The following CTNND2 variants were observed in gnomAD, a reference collection of about 807,000 sequenced individuals.
CTNND2 encodes the protein catenin delta-2.
Under a neutral mutation model 144.4 loss-of-function variants are expected in CTNND2, and 22 were observed. The observed-to-expected ratio is 0.15, with a 90% CI of 0.11 to 0.22. The LOEUF (loss-of-function observed/expected upper bound fraction) is 0.22. CTNND2 is among the 10% of genes least tolerant of loss of function. The pLI is 1.00. For synonymous variants in CTNND2, 751 were observed against 695.6 expected, an observed-to-expected ratio of 1.08 and a Z score of -1.25; for missense variants, 1,353 against 1,618.8, an observed-to-expected ratio of 0.84 and a Z score of 2.82.
chr5:11,862,140 T>C (rs542789350), intron 1 of CTNND2, among the ~76,000 whole-genome samples: 3 of 152,318 alleles, frequency 2.0e-5, no homozygotes, highest in African/African-American at 2.4e-5. Context: ...CAACTACTGA[T>C]TTAAACAAAT....
intron 12 of CTNND2, among the ~76,000 whole-genome samples, chr5:11,154,375 G>A (rs756830990): frequency 6.6e-6 from 1 of 152,216 alleles, no homozygotes; most frequent in Non-Finnish European, 1.5e-5. Flanking sequence ...CTTTGGCCGA[G>A]ACAGCCACAT....
chr5:11,548,709 A>G (rs952990562), intron 3 of CTNND2, among the ~76,000 whole-genome samples: 1 of 152,232 alleles, frequency 6.6e-6, no homozygotes, highest in African/African-American at 2.4e-5. Context: ...TCTTCCGTGT[A>G]AAGTGACAAA....
At chr5:11,785,162 G>A (rs1315994874) in intron 1 of CTNND2, among the ~76,000 whole-genome samples, 1 of 152,038 alleles carries the variant, frequency 6.6e-6, no homozygotes, top group Non-Finnish European at 1.5e-5. Context: ...AACATAAATT[G>A]TTATTGTGTA....
chr5:11,429,663 A>G (rs574493601), intron 3 of CTNND2, among the ~76,000 whole-genome samples: 6 of 152,218 alleles, frequency 3.9e-5, no homozygotes, highest in Admixed American at 3.3e-4. Context: ...CATACAAGCC[A>G]TCGATACATT....
At chr5:11,103,192 G>T (rs1173714665) in intron 14 of CTNND2, among the ~76,000 whole-genome samples, 2 of 151,438 alleles carry the variant, frequency 1.3e-5, no homozygotes, top group African/African-American at 4.9e-5. Context: ...ATGTTGGCCT[G>T]GCTGGTCTTG....
intron 15 of CTNND2, 45 bp from the exon 16 acceptor site, chr5:11,082,891 C>G (rs759760413): frequency 6.2e-7 from 1 of 1,601,402 alleles, no homozygotes; most frequent in Non-Finnish European, 8.5e-7. Context: ...CAGGAAGAAA[C>G]CCTGCATGCA....
chr5:11,454,499 T>C (rs1400920057), intron 3 of CTNND2, among the ~76,000 whole-genome samples: 1 of 152,200 alleles, frequency 6.6e-6, no homozygotes, highest in Non-Finnish European at 1.5e-5. Context: ...ATTTTATTCA[T>C]ACAAATCAAG....
chr5:11,369,121 T>G (rs1757230677), intron 7 of CTNND2, among the ~76,000 whole-genome samples: 2 of 152,234 alleles, frequency 1.3e-5, no homozygotes, highest in South Asian at 4.1e-4. Context: ...TGAAGTATTA[T>G]TGCAAAATGT....
intron 15 of CTNND2, among the ~76,000 whole-genome samples, chr5:11,093,376 C>T (rs191603159): frequency 6.6e-6 from 1 of 152,256 alleles, no homozygotes; most frequent in Admixed American, 6.5e-5. Flanking sequence ...AACAAAATCA[C>T]TGTACTATAA....
At chr5:11,299,394 T>C (rs1350181983) in intron 9 of CTNND2, among the ~76,000 whole-genome samples, 2 of 152,158 alleles carry the variant, frequency 1.3e-5, no homozygotes, top group Admixed American at 1.3e-4. Flanking sequence ...TAGAAGAGTC[T>C]CACCCAAGGT....
chr5:11,376,608 G>T (rs981633527), intron 7 of CTNND2, among the ~76,000 whole-genome samples: 15 of 152,130 alleles, frequency 9.9e-5, no homozygotes, highest in Non-Finnish European at 1.5e-4. Context: ...CAGAATGAGT[G>T]GGGGGTTGGG....
chr5:11,869,336 T>C lies in CTNND2; in HGVS notation c.37+34481A>G, dbSNP rs1182960985. On this transcript the variant is annotated intron_variant, in intron 1 of 21. Transcript: ENST00000304623. ...TGAAAGCAACTCGAATGTCAATTGA[T>C]GGATGAATGGGCAAACAACATGTGG... 3.9e-5 allele frequency among the ~76,000 whole-genome samples: 6 copies of C among 152,204 alleles called. No homozygotes were observed. In the East Asian group the frequency reaches 9.6e-4, roughly 24 times the overall value.
chr5:11,800,602 C>T (rs1181755973), intron 1 of CTNND2, among the ~76,000 whole-genome samples: 2 of 152,120 alleles, frequency 1.3e-5, no homozygotes, highest in East Asian at 1.9e-4. Flanking sequence ...AAGGAAAAGG[C>T]ATACCCTTCC....
At chr5:11,689,204 G>A (rs1281326049) in intron 2 of CTNND2, among the ~76,000 whole-genome samples, 1 of 152,184 alleles carries the variant, frequency 6.6e-6, no homozygotes, top group Non-Finnish European at 1.5e-5. Flanking sequence ...TACTACTGAT[G>A]AAGTCTTAGT....
At chr5:11,505,197 TAAA>T (rs5865951) in intron 3 of CTNND2, among the ~76,000 whole-genome samples, 46 of 144,966 alleles carry the variant, frequency 3.2e-4, no homozygotes, top group African/African-American at 1.1e-3. Context: ...GAGGAATCAT[TAAA>T]AAAAAAAAAA....
At chr5:10,997,810 T>G (rs1249320522) in intron 18 of CTNND2, among the ~76,000 whole-genome samples, 2 of 152,144 alleles carry the variant, frequency 1.3e-5, no homozygotes, top group Non-Finnish European at 2.9e-5. Flanking sequence ...TGTGTGGTAT[T>G]AAAGGTGAAC....
rs560293278 is a variant in CTNND2, at chr5:11,502,111, T to C, written c.287+62833A>G. Reference sequence around the variant, plus strand: ...GACACAACAAGAAGGCAGCTGTCTATAAACCAGGAAGAGAGTTTACCAAGA... The same window carrying C: ...GACACAACAAGAAGGCAGCTGTCTACAAACCAGGAAGAGAGTTTACCAAGA... On this transcript the variant is annotated intron_variant, in intron 3 of 21. Coordinates refer to ENST00000304623, the MANE Select transcript of CTNND2 (RefSeq NM_001332.4). Among the ~76,000 whole-genome samples, 208 of 149,194 alleles carry C rather than the reference T, an allele frequency of 1.4e-3. 1 individual carries two copies. The highest frequency in any genetic ancestry group is 4.8e-3 in the African/African-American group (193 of 40,588).
chr5:11,744,740 A>G (rs1001890313), intron 1 of CTNND2, among the ~76,000 whole-genome samples: 3 of 150,692 alleles, frequency 2.0e-5, no homozygotes, highest in African/African-American at 7.3e-5. Context: ...TTTCTATTTT[A>G]TTATTTTATT....
intron 11 of CTNND2, among the ~76,000 whole-genome samples, chr5:11,172,379 C>T (rs956491727): frequency 6.6e-6 from 1 of 152,194 alleles, no homozygotes; most frequent in African/African-American, 2.4e-5. Context: ...ATACTTTAGC[C>T]TAATCATGAC....
Sources: allele counts gnomAD v4.1 joint callset (sites outside exome capture counted in the v4.1 genomes callset), GRCh38; gene constraint gnomAD v4.1.1; transcripts MANE v1.5; gene names NCBI Gene and HGNC (gene_info 2026-07-23, HGNC 2026-07-21).